DYNC2H1: variants seen among roughly 807,000 people sequenced by gnomAD.
DYNC2H1 encodes cytoplasmic dynein 2 heavy chain 1.
DYNC2H1 carries 410 observed loss-of-function variants against 570.0 expected under a neutral mutation model. The ratio of observed to expected loss-of-function variants is 0.72; its 90% confidence interval spans 0.66 to 0.78. DYNC2H1 has a LOEUF of 0.78. DYNC2H1 is among the 30% of genes least tolerant of loss of function. The pLI is 0.00. For synonymous variants in DYNC2H1, 1,688 were observed against 1,677.6 expected (o/e 1.01, Z -0.15); for missense variants, 4,865 against 5,046.4 (o/e 0.96, Z 1.09).
intron 83 of DYNC2H1, among the ~76,000 whole-genome samples, chr11:103,364,290 TAGG>T (rs917227171): frequency 5.3e-5 from 8 of 151,640 alleles, no homozygotes; most frequent in African/African-American, 1.9e-4. Flanking sequence ...ACAAAGGAGA[TAGG>T]AGGCTTTCGT....
At chr11:103,263,998 T>G (rs573560531) in intron 70 of DYNC2H1, among the ~76,000 whole-genome samples, 1 of 151,506 alleles carries the variant, frequency 6.6e-6, no homozygotes, top group South Asian at 2.1e-4. Context: ...ATCAAATAGA[T>G]GCAATAAAAA....
chr11:103,468,156 GT>G (rs1171957078), intron 87 of DYNC2H1, among the ~76,000 whole-genome samples: 1 of 151,802 alleles, frequency 6.6e-6, no homozygotes, highest in Non-Finnish European at 1.5e-5. Flanking sequence ...ATCACATGTC[GT>G]TTTTTTCATT....
chr11:103,456,151 GTAT>G (rs952153918), intron 86 of DYNC2H1, 121 bp from the exon 87 acceptor site: 9 of 688,922 alleles, frequency 1.3e-5, no homozygotes, highest in African/African-American at 1.1e-4. Context: ...TAGTTTAATG[GTAT>G]TATTATTTAC....
chr11:103,157,662 C>T lies in DYNC2H1; in HGVS notation c.4127+892C>T, dbSNP rs1012182516. Among the ~76,000 whole-genome samples, 7 of 152,216 alleles carry T rather than the reference C, an allele frequency of 4.6e-5. No homozygotes were observed. In the South Asian group the frequency reaches 6.2e-4, roughly 13 times the overall value. On this transcript the variant is annotated intron_variant, in intron 26 of 88. Transcript: ENST00000375735. The surrounding 1 kb of genome is among the most constrained non-coding windows in gnomAD (Gnocchi z 4.2). ...TGTTCTGTATCTCTTACTTGGACTA[C>T]GCACATTAACCTTCTGACTTGCTCT...
chr11:103,284,182 A>G (rs1228001870), intron 73 of DYNC2H1, among the ~76,000 whole-genome samples: 1 of 152,074 alleles, frequency 6.6e-6, no homozygotes, highest in Non-Finnish European at 1.5e-5. Context: ...TTAGCCAGAA[A>G]TCCCTGTACC....
Position 103,479,364 on chromosome 11 carries a change from T to C in DYNC2H1, c.*111T>C. On this transcript the variant is annotated 3_prime_UTR_variant, in exon 89 of 89. Transcript: ENST00000375735. The stretch of plus-strand genomic sequence containing the variant: ...GAAATGTTAGTTCAAAATATTAACA[T>C]ATAGTTATGTTGTTGATGTCACTGA... The C allele has an allele frequency of 7.9e-7, 1 of 1,271,796 alleles. No individual in the cohort carries two copies. The highest frequency in any genetic ancestry group is 1.0e-6 in the Non-Finnish European group (1 of 960,230). 78.8% of individuals were successfully genotyped at this position (1,271,796 alleles called of 1,614,324 possible).
intron 82 of DYNC2H1, among the ~76,000 whole-genome samples, chr11:103,343,248 G>T (rs891879792): frequency 1.3e-5 from 2 of 152,054 alleles, no homozygotes; most frequent in Non-Finnish European, 2.9e-5. Context: ...AAGTTAAGTC[G>T]CCCAAGCGCA....
At chr11:103,176,201 T>C (rs377687202) in intron 36 of DYNC2H1, 34 bp from the exon 37 acceptor site, 1 of 1,429,918 alleles carries the variant, frequency 7.0e-7, no homozygotes, top group Non-Finnish European at 9.2e-7. Context: ...ATTAAAGTAA[T>C]AATAAATAAT....
chr11:103,417,857 CAG>C (rs1173381452), intron 84 of DYNC2H1, among the ~76,000 whole-genome samples: 1 of 142,060 alleles, frequency 7.0e-6, no homozygotes, highest in African/African-American at 2.7e-5. Flanking sequence ...GCCTGGACAA[CAG>C]AGCGAGACTC....
chr11:103,389,055 T>C (rs900471942), intron 83 of DYNC2H1, among the ~76,000 whole-genome samples: 2 of 152,196 alleles, frequency 1.3e-5, no homozygotes, highest in African/African-American at 4.8e-5. Context: ...TTCTATTGAT[T>C]GGAATAGTTT....
chr11:103,412,550 A>G (rs1054753142), intron 84 of DYNC2H1, among the ~76,000 whole-genome samples: 1 of 152,050 alleles, frequency 6.6e-6, no homozygotes, highest in African/African-American at 2.4e-5. Flanking sequence ...GTATTGATTA[A>G]TTGAACCCCT....
chr11:103,403,811 T>C (rs1200537467), intron 84 of DYNC2H1: 2 of 152,030 alleles, frequency 1.3e-5, no homozygotes, highest in Non-Finnish European at 2.9e-5. Flanking sequence ...TGGGGTTATA[T>C]AAGAATCAAA....
At chr11:103,457,165 C>T (rs777473714) in intron 87 of DYNC2H1, among the ~76,000 whole-genome samples, 74 of 152,162 alleles carry the variant, frequency 4.9e-4, no homozygotes, top group Non-Finnish European at 9.7e-4. Context: ...AACAAATCTG[C>T]GCTGCCAGTT....
At chr11:103,298,122 A>T (rs1448910368) in intron 75 of DYNC2H1, among the ~76,000 whole-genome samples, 1 of 152,080 alleles carries the variant, frequency 6.6e-6, no homozygotes, top group Admixed American at 6.6e-5. Context: ...CAGAATCCTT[A>T]TAATGTCCTA....
chr11:103,158,982 A>T lies in DYNC2H1; in HGVS notation c.4333A>T (p.Thr1445Ser), dbSNP rs755560465. The T allele has an allele frequency of 6.2e-7, 1 of 1,613,540 alleles. No individual in the cohort carries two copies. The highest frequency in any genetic ancestry group is 1.3e-5 in the African/African-American group (1 of 74,934). Residue 1445 changes from threonine to serine, a missense_variant, in exon 28 of 89, where the codon ACC becomes TCC. Transcript: ENST00000375735. The part of the protein sequence containing the change: ...DDLLEILGQS[T>S]NPSVIQSHLK... ...CTTATTAGAAATATTGGGCCAGTCT[A>T]CCAACCCATCAGTGATTCAGTCTCA...
chr11:103,290,438 T>A (rs139421421), intron 75 of DYNC2H1, among the ~76,000 whole-genome samples: 4 of 152,340 alleles, frequency 2.6e-5, no homozygotes, highest in African/African-American at 9.6e-5. Flanking sequence ...ACCAGATAAC[T>A]TTTACTCATG....
intron 83 of DYNC2H1, among the ~76,000 whole-genome samples, chr11:103,383,566 C>T (rs1004150030): frequency 3.3e-5 from 5 of 151,840 alleles, no homozygotes; most frequent in African/African-American, 7.3e-5. Context: ...CTCTGCCTCC[C>T]GCGTTCACGC....
intron 75 of DYNC2H1, among the ~76,000 whole-genome samples, chr11:103,292,153 C>T (rs553974833): frequency 3.8e-4 from 51 of 134,308 alleles, no homozygotes; most frequent in African/African-American, 1.4e-3. Flanking sequence ...GTGTCTTCTT[C>T]TTCTCTTTTT....
chr11:103,333,076 T>A (rs1938908592), intron 82 of DYNC2H1, among the ~76,000 whole-genome samples: 1 of 152,000 alleles, frequency 6.6e-6, no homozygotes, highest in East Asian at 1.9e-4. Context: ...TACAGGAAGT[T>A]CTTCAAACAG....
Sources: allele counts gnomAD v4.1 joint callset (sites outside exome capture counted in the v4.1 genomes callset), GRCh38; gene constraint gnomAD v4.1.1; non-coding constraint Gnocchi (gnomAD v3.1); transcripts MANE v1.5; gene names NCBI Gene and HGNC (gene_info 2026-07-23, HGNC 2026-07-21).